The following MVK variants were observed in gnomAD, a reference collection of about 807,000 sequenced individuals.
MVK encodes the protein LH receptor mRNA-binding protein.
Under a neutral mutation model 43.2 loss-of-function variants are expected in MVK, and 34 were observed. That is an observed-to-expected ratio of 0.79 (90% CI 0.60 to 1.05). The LOEUF is 1.05. Among genes scored for constraint, MVK ranks in the 50% least tolerant of loss-of-function variants. MVK has a pLI of 0.00. For synonymous variants in MVK, 190 were observed against 219.8 expected (o/e 0.86, Z 1.20); for missense variants, 395 against 504.0 (o/e 0.78, Z 2.07).
In MVK at chr12:109,595,768, CTG is replaced by C. The variant is rs534565285; in HGVS notation, c.1039+590_1039+591del. ...CGGTCCCACCTGCCTCCATTTCCCT[CTG>C]TGCTCCTTGTCCCCTCCTTCCTTCC... On this transcript the variant is annotated intron_variant, in intron 10 of 10. Coordinates refer to ENST00000228510, the MANE Select transcript of MVK (RefSeq NM_000431.4). This position sits in a 1 kb window ranked among gnomAD's most constrained non-coding sequence, Gnocchi z 5.9. 6.6e-4 allele frequency among the ~76,000 whole-genome samples: 100 copies of C among 152,346 alleles called. No individual in the cohort carries two copies. Among genetic ancestry groups the C allele is most frequent in the African/African-American group, 2.4e-3 (99 of 41,574 alleles).
chr12:109,577,247 G>A (rs1017982351), intron 3 of MVK, among the ~76,000 whole-genome samples: 1 of 152,188 alleles, frequency 6.6e-6, no homozygotes, highest in Non-Finnish European at 1.5e-5. Flanking sequence ...CCCTGTACCT[G>A]CCCCAGAGCT....
rs945849858 is a variant in MVK at position 109,586,013 on chromosome 12, T to G, written c.528-9T>G. 6.2e-7 allele frequency: 1 copy of G among 1,609,798 alleles called. No individual in the cohort carries two copies. The highest frequency in any genetic ancestry group is 1.1e-5 in the South Asian group (1 of 91,016). On this transcript the variant is annotated splice_polypyrimidine_tract_variant and intron_variant, in intron 5 of 10. Transcript: ENST00000228510. ...CTGCCACAGTAAAGATGAACATCTG[T>G]GTCTTCAGGTGGACCAAGGAGGATT... is the stretch of plus-strand genomic sequence containing the variant.
At chr12:109,591,451 A>C (rs1050888687) in intron 9 of MVK, 94 bp downstream of exon 9, 1 of 1,234,654 alleles carries the variant, frequency 8.1e-7, no homozygotes, top group Non-Finnish European at 1.2e-6. Context: ...AATCCCCCGG[A>C]AGCTAGCACA....
At chr12:109,591,906 C>G (rs1885698710) in intron 9 of MVK, among the ~76,000 whole-genome samples, 1 of 152,184 alleles carries the variant, frequency 6.6e-6, no homozygotes, top group South Asian at 2.1e-4. Flanking sequence ...GTGTGAATCC[C>G]AGCTCCACTT....
chr12:109,590,612 C>A, intron 7 of MVK, 159 bp from the exon 8 acceptor site: 1 of 697,766 alleles, frequency 1.4e-6, no homozygotes, highest in Non-Finnish European at 2.6e-6. Context: ...GCAGCTGTGG[C>A]CAGCAGCAGA....
At chr12:109,583,911 T>G (rs950714235) in intron 5 of MVK, among the ~76,000 whole-genome samples, 2 of 152,242 alleles carry the variant, frequency 1.3e-5, no homozygotes, top group African/African-American at 4.8e-5. Flanking sequence ...TACTAGGAGC[T>G]TAGTCACAGG....
intron 2 of MVK, 121 bp downstream of exon 2, chr12:109,575,021 C>G: frequency 1.0e-6 from 1 of 982,002 alleles, no homozygotes; most frequent in Non-Finnish European, 1.6e-6. Flanking sequence ...ATCAGGTTCT[C>G]CCCAGCCAGG....
At position 109,596,426 on chromosome 12, in the gene MVK, G is replaced by A. The variant is rs1382752372; in HGVS notation, c.1040G>A (p.Gly347Glu). 1 of 1,613,174 alleles carries A rather than the reference G, an allele frequency of 6.2e-7. No individual in the cohort carries two copies. Among genetic ancestry groups the A allele is most frequent in the Non-Finnish European group, 8.5e-7 (1 of 1,179,854 alleles). ...GGCGITLLKP[G>E]LEQPEVEATK... ...GGTGACCTGCCTTCCCTCCCCGCAG[G>A]GCTGGAGCAGCCAGAAGTGGAGGCC... The change falls in exon 11 of 11, where the codon GGG becomes GAG. Residue 347 changes from glycine to glutamate, a missense_variant and splice_region_variant. Physicochemically the swap from Gly to Glu is moderately conservative, Grantham distance 98. Transcript: ENST00000228510.
At chr12:109,587,038 G>A in intron 7 of MVK, 1 of 548,956 alleles carries the variant, frequency 1.8e-6, no homozygotes, top group South Asian at 2.0e-5. Context: ...GTCATGCATG[G>A]CTGTGCCCGT....
At position 109,591,234 on chromosome 12, in the gene MVK, T is replaced by G. The variant is rs104895331; in HGVS notation, c.769-7T>G. On this transcript the variant is annotated splice_region_variant and splice_polypyrimidine_tract_variant and intron_variant, in intron 8 of 10. Transcript: ENST00000228510. ...CCTCACCAGCCGTTCCTTCTTTTTT[T>G]CTCCAGTTCCCAGAGATCGTGGCCC... is the stretch of plus-strand genomic sequence containing the variant. The G allele has an allele frequency of 4.7e-3, 7,564 of 1,613,976 alleles. 72 individuals are homozygous for G. The highest frequency in any genetic ancestry group is 0.022 in the South Asian group (2,031 of 91,080).
intron 3 of MVK, chr12:109,579,234 G>A (rs1885101729): frequency 4.5e-6 from 2 of 445,240 alleles, no homozygotes; most frequent in African/African-American, 2.0e-5. Context: ...CAACCTCCTG[G>A]GCTCAAGCGA....
intron 2 of MVK, among the ~76,000 whole-genome samples, chr12:109,575,462 G>T (rs1024905832): frequency 3.3e-5 from 5 of 151,060 alleles, no homozygotes; most frequent in African/African-American, 1.2e-4. Context: ...CTCTGTCACC[G>T]GAGTGCAATC....
chr12:109,585,388 A>G (rs1409654239), intron 5 of MVK, among the ~76,000 whole-genome samples: 1 of 152,178 alleles, frequency 6.6e-6, no homozygotes, highest in Non-Finnish European at 1.5e-5. Context: ...CATTAGACAC[A>G]CATGCAGCTA....
intron 3 of MVK, 88 bp downstream of exon 3, chr12:109,576,233 AG>A (rs958878205): frequency 1.5e-4 from 232 of 1,547,970 alleles, no homozygotes; most frequent in Non-Finnish European, 2.0e-4. Context: ...CAAGGGAGCC[AG>A]GGGCCAGCTA....
intron 9 of MVK, 60 bp from the exon 10 acceptor site, chr12:109,594,968 G>A (rs202141000): frequency 2.7e-5 from 44 of 1,605,666 alleles, no homozygotes; most frequent in Non-Finnish European, 3.4e-5. Flanking sequence ...GCTCAGGGGT[G>A]GGCATAGGAC....
rs1186427102 is a variant in MVK, at chr12:109,595,446, C to T, written c.1039+265C>T. 2.6e-5 allele frequency among the ~76,000 whole-genome samples: 4 copies of T among 152,098 alleles called. No homozygotes were observed. Among genetic ancestry groups the T allele is most frequent in the Non-Finnish European group, 4.4e-5 (3 of 68,018 alleles). On this transcript the variant is annotated intron_variant, in intron 10 of 10. Transcript: ENST00000228510. The surrounding 1 kb of genome is among the most constrained non-coding windows in gnomAD (Gnocchi z 5.9). ...GCAGGGCTGGGCTGTGGCTGGGGCT[C>T]CTGTCATCGGGGCTGTCCGCACAAG...
At chr12:109,590,549 T>A in intron 7 of MVK, 1 of 602,204 alleles carries the variant, frequency 1.7e-6, no homozygotes, top group Non-Finnish European at 3.0e-6. Context: ...AATGAATAAA[T>A]GAGTGAAAAG....
chr12:109,591,448 C>T (rs899564870), intron 9 of MVK, 91 bp downstream of exon 9: 45 of 1,265,956 alleles, frequency 3.6e-5, no homozygotes, highest in Middle Eastern at 1.9e-4. Context: ...CAGAATCCCC[C>T]GGAAGCTAGC....
chr12:109,595,318 C>A lies in MVK; in HGVS notation c.1039+137C>A. On this transcript the variant is annotated intron_variant, in intron 10 of 10. Transcript: ENST00000228510. The surrounding 1 kb of genome is among the most constrained non-coding windows in gnomAD (Gnocchi z 5.9). ...GTGTGGCCTTGGGCAAGTTAGTTAA[C>A]CTCTGGTCTTTGCTTCCTCATTGGT... is the stretch of plus-strand genomic sequence containing the variant. The A allele has an allele frequency of 9.1e-7, 1 of 1,097,246 alleles. No homozygotes were observed. The highest frequency in any genetic ancestry group is 1.5e-5 in the South Asian group (1 of 64,920). The allele number at this position is 1,097,246 out of a possible 1,614,324, so 68.0% of individuals were successfully genotyped here.
Sources: gnomAD v4.1 joint callset for allele counts (sites outside exome capture counted in the v4.1 genomes callset) on GRCh38, gnomAD v4.1.1 for gene constraint, Gnocchi (gnomAD v3.1) non-coding constraint, MANE v1.5 for transcripts, NCBI Gene and HGNC (gene_info 2026-07-23, HGNC 2026-07-21) for gene names.